PITPNM3: variants seen among roughly 807,000 people sequenced by gnomAD.
PITPNM3 encodes membrane-associated phosphatidylinositol transfer protein 3.
In PITPNM3, 26 loss-of-function variants were observed where a neutral mutation model predicts 102.0. The ratio of observed to expected loss-of-function variants is 0.25; its 90% CI spans 0.19 to 0.35. PITPNM3 has a LOEUF of 0.35. Ranked by LOEUF, PITPNM3 falls within the 10% of genes least tolerant of loss-of-function variation. The pLI is 1.00. For synonymous variants in PITPNM3, 578 were observed against 558.6 expected (o/e 1.03, Z -0.49); for missense variants, 1,083 against 1,346.1 (o/e 0.80, Z 3.06).
intron 2 of PITPNM3, among the ~76,000 whole-genome samples, chr17:6,533,087 C>T (rs1459993425): frequency 1.3e-5 from 2 of 151,718 alleles, no homozygotes; most frequent in African/African-American, 4.8e-5. Flanking sequence ...CTCAGCCTCC[C>T]GAGTAGCTGG....
chr17:6,477,927 C>T lies in PITPNM3; in HGVS notation c.900+48G>A, dbSNP rs376040459. 4 of 1,605,754 alleles carry T rather than the reference C, an allele frequency of 2.5e-6. No individual in the cohort carries two copies. In the Admixed American group the frequency reaches 6.7e-5, roughly 27 times the overall value. Reference sequence around the variant, plus strand: ...GCACTCTCTCCCCGAGGGGCAGGCCCTGCTCCTATGGGCATACCCCTCCCG... The same window carrying T: ...GCACTCTCTCCCCGAGGGGCAGGCCTTGCTCCTATGGGCATACCCCTCCCG... On this transcript the variant is annotated intron_variant, in intron 8 of 19. Coordinates refer to ENST00000262483, the MANE Select transcript of PITPNM3 (RefSeq NM_031220.4).
chr17:6,540,752 G>A (rs779089985), intron 1 of PITPNM3, among the ~76,000 whole-genome samples: 11 of 152,102 alleles, frequency 7.2e-5, no homozygotes, highest in South Asian at 2.1e-4. Context: ...TTCACCTCCC[G>A]GGTTCAAGAG....
rs1905472688 is a variant in PITPNM3, at chr17:6,478,690, C to T, written c.634G>A (p.Asp212Asn). The T allele has an allele frequency of 6.2e-7, 1 of 1,606,480 alleles. No individual in the cohort carries two copies. The highest frequency in any genetic ancestry group is 8.5e-7 in the Non-Finnish European group (1 of 1,176,490). Residue 212 changes from aspartate (D) to asparagine (N), a missense_variant, in exon 7 of 20, where the codon GAC becomes AAC. This residue lies in a region of PITPNM3 where 290 missense variants were observed against 337.8 expected (regional missense o/e 0.86). Transcript: ENST00000262483. This position sits in a 1 kb window ranked among gnomAD's most constrained non-coding sequence, Gnocchi z 4.4. ...HDEGCLSSSQ[D>N]HVPLAALPLL... Reference sequence around the variant, plus strand: ...GGAAGGGCGGCCAGAGGGACGTGGTCCTGGCTGCTGCTGAGGCAGCCCTCA... The same window carrying T: ...GGAAGGGCGGCCAGAGGGACGTGGTTCTGGCTGCTGCTGAGGCAGCCCTCA...
In PITPNM3 at chr17:6,451,971, G is replaced by A. The variant is rs1242319905; in HGVS notation, c.*3367C>T. 2.0e-5 allele frequency: 3 copies of A among 151,896 alleles called. No homozygotes were observed. The highest frequency in any genetic ancestry group is 7.3e-5 in the African/African-American group (3 of 41,292). The allele number at this position is 151,896 out of a possible 1,614,324, so 9.4% of individuals were successfully genotyped here. A position where few individuals can be genotyped will look rare whatever the true frequency, so the allele number is the denominator to read the frequency against. On this transcript the variant is annotated 3_prime_UTR_variant, in exon 20 of 20. Coordinates refer to ENST00000262483, the MANE Select transcript of PITPNM3 (RefSeq NM_031220.4). ...CCGGGGCTGCACCTGGGCTAGGGGG[G>A]AGAGTGAGGATGCAGAGGACCCACG...
intron 1 of PITPNM3, among the ~76,000 whole-genome samples, chr17:6,555,307 C>G (rs1387872501): frequency 6.6e-6 from 1 of 152,252 alleles, no homozygotes; most frequent in Non-Finnish European, 1.5e-5. Flanking sequence ...GACGGGTCCG[C>G]AGCCCAGGGT....
intron 4 of PITPNM3, among the ~76,000 whole-genome samples, chr17:6,489,298 G>C (rs370782295): frequency 2.6e-5 from 4 of 152,138 alleles, no homozygotes; most frequent in African/African-American, 9.6e-5. Flanking sequence ...CAAACACTCA[G>C]TCTCCTCCTC....
intron 1 of PITPNM3, among the ~76,000 whole-genome samples, chr17:6,547,576 C>T (rs79820100): frequency 4.0e-4 from 61 of 152,184 alleles, no homozygotes; most frequent in African/African-American, 1.4e-3. Context: ...GAGGGCAGCC[C>T]GAAAGACAGG....
At chr17:6,508,996 G>T (rs752046745) in intron 3 of PITPNM3, among the ~76,000 whole-genome samples, 2 of 152,210 alleles carry the variant, frequency 1.3e-5, no homozygotes, top group African/African-American at 2.4e-5. Flanking sequence ...GCTTTGCAAG[G>T]CTCATGGGCC....
intron 4 of PITPNM3, among the ~76,000 whole-genome samples, chr17:6,500,620 C>T (rs1907111671): frequency 6.6e-6 from 1 of 152,102 alleles, no homozygotes; most frequent in Admixed American, 6.5e-5. Context: ...TCCAAGGTAC[C>T]ATTTCAGCTC....
chr17:6,497,174 T>G (rs1192434105), intron 4 of PITPNM3, among the ~76,000 whole-genome samples: 1 of 151,038 alleles, frequency 6.6e-6, no homozygotes, highest in Non-Finnish European at 1.5e-5. Context: ...GGCAGAGGAG[T>G]GGAGAGGCCA....
At chr17:6,466,360 A>G (rs1283878512) in intron 14 of PITPNM3, among the ~76,000 whole-genome samples, 1 of 152,226 alleles carries the variant, frequency 6.6e-6, no homozygotes, top group Non-Finnish European at 1.5e-5. Context: ...CCTCATCTGC[A>G]TGGGGTCCCT....
intron 3 of PITPNM3, among the ~76,000 whole-genome samples, chr17:6,520,638 A>AT (rs1158998416): frequency 6.6e-6 from 1 of 152,160 alleles, no homozygotes; most frequent in African/African-American, 2.4e-5. Context: ...GTTGTGTTTG[A>AT]TTTTTTCCAA....
Position 6,477,057 on chromosome 17 carries a change from T to A in PITPNM3, c.1057A>T (p.Ile353Phe). The A allele has an allele frequency of 6.2e-7, 1 of 1,614,136 alleles. No homozygotes were observed. Reference sequence around the variant, plus strand: ...GAGAGGAAGGCATGGTGCTGGGTGATGGCCTCGCAGTCATAGGTGGAGGAG... The same window carrying A: ...GAGAGGAAGGCATGGTGCTGGGTGAAGGCCTCGCAGTCATAGGTGGAGGAG... ...SDSSTYDCEA[I>F]TQHHAFLSSI... Residue 353 changes from isoleucine to phenylalanine, a missense_variant, in exon 9 of 20, where the codon ATC becomes TTC. Around this residue, in one of 5 missense-constraint regions of PITPNM3, gnomAD observed 172 missense variants for 175.6 expected, o/e 0.98. Coordinates refer to ENST00000262483, the MANE Select transcript of PITPNM3 (RefSeq NM_031220.4).
At chr17:6,461,611 C>T (rs973543947) in intron 17 of PITPNM3, 55 bp from the exon 18 acceptor site, 3 of 1,581,984 alleles carry the variant, frequency 1.9e-6, no homozygotes, top group South Asian at 2.2e-5. Flanking sequence ...CCACCTGATG[C>T]CCAGAAGCCT....
chr17:6,548,652 GACTCTAGA>G (rs1397091623), intron 1 of PITPNM3, among the ~76,000 whole-genome samples: 1 of 152,144 alleles, frequency 6.6e-6, no homozygotes, highest in East Asian at 1.9e-4. Context: ...CTGAAAGACA[GACTCTAGA>G]ACAAGTGAAA....
chr17:6,483,859 G>A lies in PITPNM3; in HGVS notation c.352-107C>T, dbSNP rs1234919594. ...CGCATACACACACACTCACACACAC[G>A]CACACACGGGGAGACTGAGGCCAGA... is the stretch of plus-strand genomic sequence containing the variant. On this transcript the variant is annotated intron_variant, in intron 5 of 19. Coordinates refer to ENST00000262483, the MANE Select transcript of PITPNM3 (RefSeq NM_031220.4). 1.4e-5 allele frequency: 14 copies of A among 970,006 alleles called. No homozygotes were observed. In the East Asian group the frequency reaches 1.5e-4, roughly 11 times the overall value. 60.1% of individuals were successfully genotyped at this position (970,006 alleles called of 1,614,324 possible). A position where few individuals can be genotyped will look rare whatever the true frequency, so the allele number is the denominator to read the frequency against.
In PITPNM3 at chr17:6,478,607, T is replaced by A; in HGVS notation, c.717A>T (p.Arg239=). The change falls in exon 7 of 20, where the codon CGA becomes CGT. Residue 239 remains arginine, a synonymous_variant. Transcript: ENST00000262483. This position sits in a 1 kb window ranked among gnomAD's most constrained non-coding sequence, Gnocchi z 4.4. ...YQDAVATVIE[R]ANQVYREFLK... ...GGAACTCTCTGTAGACCTGGTTGGCTCGCTCGATGACGGTGGCGACAGCAT... is the reference window on the plus strand; with the variant it reads ...GGAACTCTCTGTAGACCTGGTTGGCACGCTCGATGACGGTGGCGACAGCAT... 1 of 1,614,026 alleles carries A rather than the reference T, an allele frequency of 6.2e-7. No individual in the cohort carries two copies. Among genetic ancestry groups the A allele is most frequent in the Non-Finnish European group, 8.5e-7 (1 of 1,180,010 alleles).
intron 1 of PITPNM3, among the ~76,000 whole-genome samples, chr17:6,547,211 G>T (rs1432254011): frequency 6.6e-6 from 1 of 152,036 alleles, no homozygotes; most frequent in Admixed American, 6.5e-5. Flanking sequence ...GGGGTAAGGG[G>T]AGTCTCCAAG....
intron 17 of PITPNM3, among the ~76,000 whole-genome samples, chr17:6,462,956 A>G (rs1208595448): frequency 6.6e-6 from 1 of 152,042 alleles, no homozygotes; most frequent in African/African-American, 2.4e-5. Flanking sequence ...GAGAGGAAGG[A>G]CCACAGCCTC....
Sources: gnomAD v4.1 joint callset for allele counts (sites outside exome capture counted in the v4.1 genomes callset) on GRCh38, gnomAD v4.1.1 for gene constraint, gnomAD v4.1.1 regional missense constraint, Gnocchi (gnomAD v3.1) non-coding constraint, MANE v1.5 for transcripts, NCBI Gene and HGNC (gene_info 2026-07-23, HGNC 2026-07-21) for gene names.